Variants in GRB14 observed in about 807,000 individuals in gnomAD.
GRB14 encodes growth factor receptor bound protein 14.
In GRB14, 38 loss-of-function variants were observed where a neutral mutation model predicts 69.1. That is an observed-to-expected ratio of 0.55 (90% CI 0.42 to 0.72). The LOEUF is 0.72. Among genes scored for constraint, GRB14 ranks in the 30% least tolerant of loss-of-function variants. The probability of loss-of-function intolerance (pLI) is 0.00; values close to 1 mark genes in which losing one functional copy is unlikely to be tolerated. For missense variants in GRB14, 666 were observed against 666.1 expected, an observed-to-expected ratio of 1.00 and a Z score of 0.00; for synonymous variants, 247 against 241.3, an observed-to-expected ratio of 1.02 and a Z score of -0.22.
At chr2:164,618,462 CCAAA>C (rs1469344453) in intron 2 of GRB14, among the ~76,000 whole-genome samples, 1 of 152,086 alleles carries the variant, frequency 6.6e-6, no homozygotes, top group Admixed American at 6.6e-5. Flanking sequence ...CTTTGTCTCC[CCAAA>C]CAAAGTTACA....
chr2:164,574,392 C>T (rs915612657), intron 2 of GRB14, among the ~76,000 whole-genome samples: 1 of 151,980 alleles, frequency 6.6e-6, no homozygotes, highest in African/African-American at 2.4e-5. Context: ...CAGGCATGCA[C>T]TACCATGCCC....
At chr2:164,599,464 T>C (rs1689864041) in intron 2 of GRB14, among the ~76,000 whole-genome samples, 1 of 152,168 alleles carries the variant, frequency 6.6e-6, no homozygotes. Context: ...CTATCCAATG[T>C]TTCATAGCAG....
intron 2 of GRB14, among the ~76,000 whole-genome samples, chr2:164,568,757 T>C (rs1689049473): frequency 6.6e-6 from 1 of 152,188 alleles, no homozygotes; most frequent in African/African-American, 2.4e-5. Flanking sequence ...TTTCAACATA[T>C]GGCAGATAAG....
intron 2 of GRB14, among the ~76,000 whole-genome samples, chr2:164,602,141 A>G (rs1189691804): frequency 6.6e-6 from 1 of 151,538 alleles, no homozygotes; most frequent in Non-Finnish European, 1.5e-5. Context: ...TTTAAAAAAA[A>G]AAAAAGGAAA....
At chr2:164,530,326 C>T (rs2105292247) in intron 3 of GRB14, among the ~76,000 whole-genome samples, 1 of 152,250 alleles carries the variant, frequency 6.6e-6, no homozygotes, top group East Asian at 1.9e-4. Context: ...CTCATTACCA[C>T]AAGGATGGCA....
intron 2 of GRB14, among the ~76,000 whole-genome samples, chr2:164,560,922 T>C (rs1688810872): frequency 6.6e-6 from 1 of 152,192 alleles, no homozygotes; most frequent in Non-Finnish European, 1.5e-5. Flanking sequence ...TAGAAAATCC[T>C]TATCCTTTCT....
chr2:164,589,327 A>G (rs992289924), intron 2 of GRB14, among the ~76,000 whole-genome samples: 2 of 152,202 alleles, frequency 1.3e-5, no homozygotes, highest in Non-Finnish European at 2.9e-5. Context: ...TGTCACAGAA[A>G]AAGTTTTGAT....
chr2:164,611,879 T>G lies in GRB14; in HGVS notation c.324+7808A>C, dbSNP rs149740505. Among the ~76,000 whole-genome samples, 598 of 152,166 alleles carry G rather than the reference T, an allele frequency of 3.9e-3. 3 individuals are homozygous for G. Among genetic ancestry groups the G allele is most frequent in the African/African-American group, 0.013 (556 of 41,498 alleles). On this transcript the variant is annotated intron_variant, in intron 2 of 13. Transcript: ENST00000263915. ...ACCTGAACAGAGGCTAAGAGGGAGC[T>G]TCTAGGGCTAGTGGAACAAAAGAAA... is the stretch of plus-strand genomic sequence containing the variant.
chr2:164,495,876 A>T (rs1341929440), intron 12 of GRB14, among the ~76,000 whole-genome samples: 1 of 152,206 alleles, frequency 6.6e-6, no homozygotes, highest in East Asian at 1.9e-4. Flanking sequence ...TAAAAATAAG[A>T]TAGTATCTTT....
chr2:164,523,535 A>G (rs2105284575), intron 5 of GRB14, among the ~76,000 whole-genome samples: 1 of 152,268 alleles, frequency 6.6e-6, no homozygotes, highest in East Asian at 1.9e-4. Flanking sequence ...GGAAATGCTG[A>G]CAGTAGATAT....
intron 2 of GRB14, among the ~76,000 whole-genome samples, chr2:164,614,946 G>C (rs1690252163): frequency 6.6e-6 from 1 of 152,056 alleles, no homozygotes; most frequent in Non-Finnish European, 1.5e-5. Context: ...AGAAATAAAA[G>C]GCCGAGCATA....
chr2:164,523,255 T>C (rs1015477948), intron 5 of GRB14, among the ~76,000 whole-genome samples: 13 of 152,104 alleles, frequency 8.5e-5, no homozygotes, highest in African/African-American at 3.1e-4. Flanking sequence ...AAATGGATAC[T>C]TTAAACCACA....
At chr2:164,602,433 T>A (rs916981185) in intron 2 of GRB14, among the ~76,000 whole-genome samples, 2 of 152,200 alleles carry the variant, frequency 1.3e-5, no homozygotes, top group Non-Finnish European at 2.9e-5. Context: ...TACATAGGGA[T>A]GGAGACAATA....
At position 164,619,684 on chromosome 2, in the gene GRB14, T is replaced by C. The variant is rs573892185; in HGVS notation, c.324+3A>G. 3.8e-6 allele frequency: 6 copies of C among 1,574,776 alleles called. No individual in the cohort carries two copies. Among genetic ancestry groups the C allele is most frequent in the African/African-American group, 2.8e-5 (2 of 72,636 alleles). On this transcript the variant is annotated splice_donor_region_variant and intron_variant, in intron 2 of 13. Transcript: ENST00000263915. ...TTGAAATTTAAAATTTAAAAATGCA[T>C]ACCTGTTTTTTCCTTGAATTTGCTT... is the stretch of plus-strand genomic sequence containing the variant.
chr2:164,595,856 A>T (rs59456464), intron 2 of GRB14, among the ~76,000 whole-genome samples: 21,576 of 152,144 alleles, frequency 0.14, 1,671 homozygotes, highest in African/African-American at 0.18. Flanking sequence ...CCAGACCCAG[A>T]GGCTCAAGCC....
At chr2:164,614,722 C>T (rs1690246071) in intron 2 of GRB14, among the ~76,000 whole-genome samples, 1 of 152,112 alleles carries the variant, frequency 6.6e-6, no homozygotes, top group African/African-American at 2.4e-5. Flanking sequence ...ATGGGTTTCT[C>T]TTCTTTTACT....
At chr2:164,537,773 G>A (rs182093609) in intron 3 of GRB14, among the ~76,000 whole-genome samples, 88 of 152,192 alleles carry the variant, frequency 5.8e-4, no homozygotes, top group Admixed American at 1.4e-3. Context: ...GCCCATTTCC[G>A]GTCTGTGCGT....
At chr2:164,517,720 A>G (rs1352140844) in intron 6 of GRB14, among the ~76,000 whole-genome samples, 1 of 152,200 alleles carries the variant, frequency 6.6e-6, no homozygotes, top group Non-Finnish European at 1.5e-5. Flanking sequence ...AGCTATTCTT[A>G]TATCAGACAA....
At position 164,547,758 on chromosome 2, in the gene GRB14, ATGTCAC is replaced by A; in HGVS notation, c.377_382del (p.Ser126_Asp127del). 1 of 1,613,694 alleles carries A rather than the reference ATGTCAC, an allele frequency of 6.2e-7. No individual in the cohort carries two copies. Among genetic ancestry groups the A allele is most frequent in the Non-Finnish European group, 8.5e-7 (1 of 1,179,646 alleles). ...CAGCTGACAAACATCTCGAGCCGTT[ATGTCAC>A]TGGGTACATCTAAAGCCCTGCTGGT... On this transcript the variant is annotated inframe_deletion, in exon 3 of 14. Transcript: ENST00000263915.
Sources: allele counts gnomAD v4.1 joint callset (sites outside exome capture counted in the v4.1 genomes callset), GRCh38; gene constraint gnomAD v4.1.1; transcripts MANE v1.5; gene names NCBI Gene and HGNC (gene_info 2026-07-23, HGNC 2026-07-21).